Variants in DEAF1 observed in about 807,000 individuals in gnomAD.
DEAF1 encodes DEAF1 transcription factor.
DEAF1 carries 53 observed loss-of-function variants against 58.9 expected under a neutral mutation model. The observed-to-expected ratio is 0.90, with a 90% CI of 0.72 to 1.13. The LOEUF is 1.13. Ranked by LOEUF, DEAF1 falls within the 50% of genes most tolerant of loss-of-function variation. The probability of loss-of-function intolerance (pLI) is 0.00; values close to 1 mark genes in which losing one functional copy is unlikely to be tolerated. For synonymous variants in DEAF1, 385 were observed against 340.4 expected (o/e 1.13, Z -1.44); for missense variants, 685 against 791.4 (o/e 0.87, Z 1.61).
intron 10 of DEAF1, among the ~76,000 whole-genome samples, chr11:673,517 C>A (rs1475469629): frequency 6.6e-6 from 1 of 152,112 alleles, no homozygotes; most frequent in Non-Finnish European, 1.5e-5. Flanking sequence ...GACAGAGTGA[C>A]AGCCTGTTCC....
At chr11:648,217 C>T (rs1383656196) in intron 11 of DEAF1, among the ~76,000 whole-genome samples, 7 of 124,706 alleles carry the variant, frequency 5.6e-5, no homozygotes, top group South Asian at 2.4e-4. Flanking sequence ...TTTTTTGAGA[C>T]GGAGTCTCCC....
intron 11 of DEAF1, among the ~76,000 whole-genome samples, chr11:652,769 GA>G (rs541296736): frequency 1.9e-3 from 293 of 150,488 alleles, no homozygotes; most frequent in Non-Finnish European, 3.3e-3. Flanking sequence ...ATAAATATGA[GA>G]AAAAAAAACC....
intron 1 of DEAF1, among the ~76,000 whole-genome samples, chr11:692,921 C>G (rs955294603): frequency 6.6e-6 from 1 of 152,246 alleles, no homozygotes; most frequent in African/African-American, 2.4e-5. Flanking sequence ...ACGGTTCCCT[C>G]ATCCTCGCCT....
chr11:681,608 C>G (rs1860375642), intron 6 of DEAF1, among the ~76,000 whole-genome samples: 1 of 152,072 alleles, frequency 6.6e-6, no homozygotes, highest in African/African-American at 2.4e-5. Flanking sequence ...GACGGGGTTT[C>G]ACCATGGTAG....
At position 694,816 on chromosome 11, in the gene DEAF1, T is replaced by C. The variant is rs756376529; in HGVS notation, c.232A>G (p.Met78Val). 45 of 1,438,898 alleles carry C rather than the reference T, an allele frequency of 3.1e-5. No individual in the cohort carries two copies. The African/African-American group carries it at 5.3e-4, about 17-fold the overall frequency. 89.1% of individuals were successfully genotyped at this position (1,438,898 alleles called of 1,614,324 possible). ...VMAAEPGHMD[M>V]GAEALPGPDE... ...GGGCCGGGCAGGGCCTCGGCGCCCA[T>C]GTCCATGTGCCCGGGCTCCGCCGCC... Residue 78 changes from methionine (M) to valine (V), a missense_variant, in exon 1 of 12, where the codon ATG becomes GTG. Physicochemically the swap from Met to Val is conservative, Grantham distance 21. Around this residue, in one of 3 missense-constraint regions of DEAF1, gnomAD observed 210 missense variants for 177.3 expected, o/e 1.18. Coordinates refer to ENST00000382409, the MANE Select transcript of DEAF1 (RefSeq NM_021008.4).
At chr11:692,627 C>T (rs1476301706) in intron 1 of DEAF1, among the ~76,000 whole-genome samples, 2 of 152,000 alleles carry the variant, frequency 1.3e-5, no homozygotes, top group East Asian at 1.9e-4. Context: ...CCAAGGCGGG[C>T]GGATCACCTG....
rs746614079 is a variant in DEAF1 at position 702,968 on chromosome 11, G to T, written c.-438+3604C>A. 3.7e-6 allele frequency: 6 copies of T among 1,609,984 alleles called. No homozygotes were observed. In the South Asian group the frequency reaches 6.6e-5, roughly 18 times the overall value. On this transcript the variant is annotated intron_variant, in intron 1 of 11. Transcript: ENST00000683307. The stretch of plus-strand genomic sequence containing the variant: ...AGGCACCAGGGGCAACCTGACAGAG[G>T]CTGAGAGGCCGCTGGCCGCCAGCCT...
chr11:695,185 A>C lies in DEAF1; in HGVS notation c.-138T>G. On this transcript the variant is annotated 5_prime_UTR_variant, in exon 1 of 12. Transcript: ENST00000382409. ...AAGCCGCCGCCCGAATAGGGACCGA[A>C]AAGGCAGCCAGCCGCCGAGCAGAGC... 1.3e-6 allele frequency: 1 copy of C among 764,544 alleles called. No individual in the cohort carries two copies. Among genetic ancestry groups the C allele is most frequent in the Non-Finnish European group, 1.8e-6 (1 of 549,540 alleles). The allele number at this position is 764,544 out of a possible 1,614,324, so 47.4% of individuals were successfully genotyped here.
chr11:685,080 T>TGC, intron 5 of DEAF1, 117 bp from the exon 6 acceptor site: 1 of 699,140 alleles, frequency 1.4e-6, no homozygotes, highest in Non-Finnish European at 2.2e-6. Flanking sequence ...AATATAAAAA[T>TGC]TCTTTTTTTT....
In DEAF1 at chr11:687,990, G is replaced by A; in HGVS notation, c.585C>T (p.Asp195=). Residue 195 remains aspartate, a synonymous_variant, in exon 4 of 12, where the codon GAC becomes GAT. Transcript: ENST00000382409. ...GCAGCTCACTGTCGTACACAGAAGGGTCCCAGTTGTATTTAGTTCCACCTT... is the reference window on the plus strand; with the variant it reads ...GCAGCTCACTGTCGTACACAGAAGGATCCCAGTTGTATTTAGTTCCACCTT... The part of the protein sequence containing the change: ...QEKGGTKYNW[D]PSVYDSELPV... 6.2e-7 allele frequency: 1 copy of A among 1,614,120 alleles called. No homozygotes were observed. Among genetic ancestry groups the A allele is most frequent in the South Asian group, 1.1e-5 (1 of 91,088 alleles).
At chr11:667,367 G>A (rs1859590615) in intron 10 of DEAF1, among the ~76,000 whole-genome samples, 1 of 142,730 alleles carries the variant, frequency 7.0e-6, no homozygotes, top group Middle Eastern at 3.6e-3. Flanking sequence ...GAGGGAGGGA[G>A]GGAGGAAGGA....
At chr11:660,511 C>T (rs1243698477) in intron 10 of DEAF1, among the ~76,000 whole-genome samples, 1 of 152,240 alleles carries the variant, frequency 6.6e-6, no homozygotes, top group Non-Finnish European at 1.5e-5. Flanking sequence ...ACCACAACAC[C>T]CCTGGCTCCC....
At chr11:659,672 G>A (rs1340994967) in intron 10 of DEAF1, among the ~76,000 whole-genome samples, 1 of 152,188 alleles carries the variant, frequency 6.6e-6, no homozygotes, top group Non-Finnish European at 1.5e-5. Context: ...GGGGTTCAGA[G>A]CCGCTGGGAG....
chr11:695,399 C>T (rs1590029247), upstream of DEAF1: 4 of 421,500 alleles, frequency 9.5e-6, no homozygotes, highest in East Asian at 1.4e-4. Flanking sequence ...AGACTCGGCC[C>T]CTGCTCTCCT....
upstream of DEAF1, chr11:700,070 C>A: frequency 7.9e-7 from 1 of 1,260,722 alleles, no homozygotes; most frequent in Non-Finnish European, 1.2e-6. Flanking sequence ...ACAGAACCAG[C>A]CCCTCTTGTT....
At chr11:705,826 G>C (rs527748483) in intron 1 of DEAF1, among the ~76,000 whole-genome samples, 1 of 152,348 alleles carries the variant, frequency 6.6e-6, no homozygotes, top group African/African-American at 2.4e-5. Context: ...CCCATTGGCA[G>C]CGTTCCCCCG....
upstream of DEAF1, chr11:699,785 C>T (rs563821227): frequency 1.9e-4 from 38 of 203,646 alleles, no homozygotes; most frequent in South Asian, 4.7e-3. Flanking sequence ...GTTATTTTTT[C>T]TCTCTTAACT....
At chr11:692,581 G>A (rs1053032306) in intron 1 of DEAF1, among the ~76,000 whole-genome samples, 1 of 152,168 alleles carries the variant, frequency 6.6e-6, no homozygotes, top group African/African-American at 2.4e-5. Context: ...AGCCGGGCGC[G>A]GTGGCTCACG....
At chr11:687,849 A>G (rs1170566726) in intron 4 of DEAF1, 62 bp downstream of exon 4, 9 of 1,608,270 alleles carry the variant, frequency 5.6e-6, no homozygotes, top group South Asian at 1.1e-5. Flanking sequence ...TCAGCCCCCA[A>G]TTTATGCTAG....
Sources: allele counts gnomAD v4.1 joint callset (sites outside exome capture counted in the v4.1 genomes callset), GRCh38; gene constraint gnomAD v4.1.1; regional missense constraint gnomAD v4.1.1; transcripts MANE v1.5; gene names NCBI Gene and HGNC (gene_info 2026-07-23, HGNC 2026-07-21).